ST8SIA6: variants seen among roughly 807,000 people sequenced by gnomAD.
ST8SIA6 encodes alpha-2,8-sialyltransferase 8F.
A neutral mutation model predicts 33.6 loss-of-function variants in ST8SIA6; 39 were observed. The ratio of observed to expected loss-of-function variants is 1.16; its 90% confidence interval spans 0.90 to 1.52. ST8SIA6 has a LOEUF of 1.52. Among genes scored for constraint, ST8SIA6 ranks in the 40% most tolerant of loss-of-function variants. ST8SIA6 has a pLI of 0.00. For synonymous variants in ST8SIA6, 172 were observed against 167.2 expected (o/e 1.03, Z -0.22); for missense variants, 441 against 443.8 (o/e 0.99, Z 0.06).
intron 2 of ST8SIA6, chr10:17,408,009 T>A (rs1209231989): frequency 2.0e-5 from 3 of 152,666 alleles, no homozygotes; most frequent in Non-Finnish European, 4.4e-5. Context: ...AGGAGACTTA[T>A]GTTACTGGGG....
intron 4 of ST8SIA6, 24 bp downstream of exon 4, chr10:17,359,490 C>T: frequency 1.3e-6 from 2 of 1,518,206 alleles, no homozygotes; most frequent in Non-Finnish European, 1.8e-6. Flanking sequence ...TTTAAAATCT[C>T]ATATTATTTA....
At chr10:17,441,302 A>ATGTT (rs1175088506) in intron 2 of ST8SIA6, among the ~76,000 whole-genome samples, 2 of 81,336 alleles carry the variant, frequency 2.5e-5, no homozygotes, top group Non-Finnish European at 4.1e-5. Flanking sequence ...CATCTAAATT[A>ATGTT]TCTTTATTTA....
At chr10:17,347,953 C>CAAAA (rs55996465) in intron 4 of ST8SIA6, among the ~76,000 whole-genome samples, 28 of 68,576 alleles carry the variant, frequency 4.1e-4, no homozygotes, top group East Asian at 8.2e-4. Flanking sequence ...GACTCTGTCT[C>CAAAA]AAAAAAAAAA....
intron 6 of ST8SIA6, among the ~76,000 whole-genome samples, chr10:17,325,701 A>G (rs1288401460): frequency 6.6e-6 from 1 of 152,152 alleles, no homozygotes; most frequent in Non-Finnish European, 1.5e-5. Context: ...TAATGACACC[A>G]AACACGTCTA....
At chr10:17,381,002 T>C (rs1419543691) in intron 3 of ST8SIA6, among the ~76,000 whole-genome samples, 1 of 151,430 alleles carries the variant, frequency 6.6e-6, no homozygotes, top group African/African-American at 2.4e-5. Context: ...TGTTTTTCTC[T>C]CCTAAGATTT....
At chr10:17,343,288 T>C (rs1848732064) in intron 4 of ST8SIA6, among the ~76,000 whole-genome samples, 1 of 152,116 alleles carries the variant, frequency 6.6e-6, no homozygotes, top group Non-Finnish European at 1.5e-5. Context: ...GGGAATCTTT[T>C]CTCTACAAAG....
At chr10:17,433,072 T>A (rs915658301) in intron 2 of ST8SIA6, among the ~76,000 whole-genome samples, 18 of 152,226 alleles carry the variant, frequency 1.2e-4, no homozygotes, top group African/African-American at 4.3e-4. Context: ...CGTTTGTTGC[T>A]CAATTAAACT....
intron 3 of ST8SIA6, among the ~76,000 whole-genome samples, chr10:17,363,767 C>T (rs533641187): frequency 1.4e-4 from 21 of 152,288 alleles, no homozygotes; most frequent in African/African-American, 4.6e-4. Context: ...AATCAGGTTT[C>T]TCTGCTTCCC....
At chr10:17,441,140 A>C (rs548647695) in intron 2 of ST8SIA6, among the ~76,000 whole-genome samples, 18 of 151,810 alleles carry the variant, frequency 1.2e-4, no homozygotes, top group Non-Finnish European at 2.2e-4. Flanking sequence ...TTTTTCTTTT[A>C]TTGATTATGC....
intron 2 of ST8SIA6, among the ~76,000 whole-genome samples, chr10:17,448,595 A>G (rs374502826): frequency 0.018 from 2,316 of 129,784 alleles, 46 homozygotes; most frequent in African/African-American, 0.078. Context: ...CAGGGTTTTT[A>G]TTGTTGTTGT....
At chr10:17,437,137 T>TTC (rs146561377) in intron 2 of ST8SIA6, among the ~76,000 whole-genome samples, 5,967 of 149,870 alleles carry the variant, frequency 0.04, 160 homozygotes, top group South Asian at 0.06. Context: ...ACAGATTCAT[T>TTC]TCTCTCTCTC....
chr10:17,362,859 G>A (rs1838426), intron 3 of ST8SIA6, among the ~76,000 whole-genome samples: 7 of 151,704 alleles, frequency 4.6e-5, no homozygotes, highest in African/African-American at 9.7e-5. Flanking sequence ...TTACAGGCGC[G>A]CGTCCCCATG....
chr10:17,351,787 A>C (rs975492), intron 4 of ST8SIA6, among the ~76,000 whole-genome samples: 25,140 of 152,088 alleles, frequency 0.17, 2,414 homozygotes, highest in East Asian at 0.49. Context: ...TGCTAAGTGA[A>C]CTAAGCTAGG....
intron 2 of ST8SIA6, among the ~76,000 whole-genome samples, chr10:17,405,610 G>A (rs1378338531): frequency 6.7e-6 from 1 of 149,864 alleles, no homozygotes; most frequent in Admixed American, 6.7e-5. Flanking sequence ...TTGGCTGGAT[G>A]TGGTGGCTCA....
intron 2 of ST8SIA6, among the ~76,000 whole-genome samples, chr10:17,447,468 CA>C (rs375041715): frequency 1.2e-4 from 18 of 146,072 alleles, no homozygotes; most frequent in East Asian, 2.0e-4. Context: ...CATGAACTAC[CA>C]AAAAAAAAAG....
At chr10:17,331,349 G>A (rs1476457933) in intron 5 of ST8SIA6, 59 bp downstream of exon 5, 2 of 1,537,564 alleles carry the variant, frequency 1.3e-6, no homozygotes, top group East Asian at 4.5e-5. Context: ...ACAGCTTAAA[G>A]TAAAAGAAAA....
At chr10:17,326,982 T>G in intron 6 of ST8SIA6, 32 bp downstream of exon 6, 1 of 1,480,602 alleles carries the variant, frequency 6.8e-7, no homozygotes, top group Non-Finnish European at 9.3e-7. Context: ...ACTGATCTAT[T>G]GTTTCAAAGA....
intron 4 of ST8SIA6, among the ~76,000 whole-genome samples, chr10:17,359,263 C>A (rs1408701401): frequency 2.0e-5 from 3 of 152,198 alleles, no homozygotes; most frequent in Non-Finnish European, 4.4e-5. Flanking sequence ...ATATAACTTA[C>A]AAAACATACT....
At chr10:17,327,935 T>C (rs1487135105) in intron 5 of ST8SIA6, among the ~76,000 whole-genome samples, 2 of 150,328 alleles carry the variant, frequency 1.3e-5, no homozygotes, top group African/African-American at 4.9e-5. Flanking sequence ...GTAAGTAAAA[T>C]AAAATAAAAT....
Sources: allele counts gnomAD v4.1 joint callset (sites outside exome capture counted in the v4.1 genomes callset), GRCh38; gene constraint gnomAD v4.1.1; transcripts MANE v1.5; gene names NCBI Gene and HGNC (gene_info 2026-07-23, HGNC 2026-07-21).